The following MC5R variants were observed in gnomAD, a reference collection of about 807,000 sequenced individuals.
MC5R encodes melanocortin receptor 5.
For missense variants in MC5R, 420 were observed against 431.4 expected (o/e 0.97, Z 0.23); for synonymous variants, 167 against 164.4 (o/e 1.02, Z -0.12).
At chr18:13,825,524 T>G in intron 1 of MC5R, 1 of 381,778 alleles carries the variant, frequency 2.6e-6, no homozygotes, top group Non-Finnish European at 4.6e-6. Context: ...TGGCCAGGAG[T>G]TTGAGACCAG....
In MC5R at chr18:13,826,761, CTG is replaced by C. The variant is rs781475218; in HGVS notation, c.*21_*22del. 54 of 1,581,502 alleles carry C rather than the reference CTG, an allele frequency of 3.4e-5. No homozygotes were observed. The highest frequency in any genetic ancestry group is 1.4e-4 in the Admixed American group (8 of 57,474). On this transcript the variant is annotated 3_prime_UTR_variant, in exon 2 of 2. Transcript: ENST00000589410. ...GGGATTAAGCACAAAGTGCTCCTCT[CTG>C]TGGCTCTGTTCTCCTTTGTTTGCTC... is the stretch of plus-strand genomic sequence containing the variant.
chr18:13,826,213 T>C lies in MC5R; in HGVS notation c.448T>C (p.Tyr150His), dbSNP rs2044928369. 6.2e-7 allele frequency: 1 copy of C among 1,614,048 alleles called. No homozygotes were observed. The highest frequency in any genetic ancestry group is 8.5e-7 in the Non-Finnish European group (1 of 1,180,052). The change falls in exon 2 of 2, where the codon TAC becomes CAC. Residue 150 changes from tyrosine (Y) to histidine (H), a missense_variant. Physicochemically the swap from Tyr to His is moderately conservative, Grantham distance 83 (BLOSUM62 2). Transcript: ENST00000589410. ...CGTCACCATCTTCTACGCCCTGCGC[T>C]ACCACCACATCATGACGGCGAGGCG... ...RYVTIFYALRYHHIMTARRSG... is the reference protein window; with the variant it reads ...RYVTIFYALRHHHIMTARRSG...
At chr18:13,825,521 G>A (rs1487706903) in intron 1 of MC5R, 1 of 380,284 alleles carries the variant, frequency 2.6e-6, no homozygotes, top group African/African-American at 2.2e-5. Context: ...TTGTGGCCAG[G>A]AGTTTGAGAC....
intron 1 of MC5R, among the ~76,000 whole-genome samples, chr18:13,824,679 T>C (rs970271985): frequency 6.6e-6 from 1 of 150,890 alleles, no homozygotes; most frequent in African/African-American, 2.4e-5. Context: ...ATTACAAATA[T>C]TAATGATGAC....
Position 13,826,650 on chromosome 18 carries a change from T to C in MC5R, c.885T>C (p.Tyr295=), listed in dbSNP as rs1162484879. 1.2e-6 allele frequency: 2 copies of C among 1,614,072 alleles called. No individual in the cohort carries two copies. The highest frequency in any genetic ancestry group is 1.6e-4 in the Middle Eastern group (1 of 6,062). ...MCNSVMDPLI[Y]AFRSQEMRKT... ...ATTCCGTGATGGACCCTCTCATATA[T>C]GCCTTCCGCAGCCAAGAGATGCGGA... The change falls in exon 2 of 2, where the codon TAT becomes TAC. Residue 295 remains tyrosine (Y), a synonymous_variant. Transcript: ENST00000589410.
rs45575841 is a variant in MC5R at position 13,826,257 on chromosome 18, C to G, written c.492C>G (p.Ala164=). Residue 164 remains alanine, a synonymous_variant, in exon 2 of 2, where the codon GCC becomes GCG. Coordinates refer to ENST00000589410, the MANE Select transcript of MC5R (RefSeq NM_005913.3). ...MTARRSGAII[A]GIWAFCTGCG... Reference sequence around the variant, plus strand: ...CGAGGCGCTCAGGGGCCATCATCGCCGGCATCTGGGCTTTCTGCACGGGCT... The same window carrying G: ...CGAGGCGCTCAGGGGCCATCATCGCGGGCATCTGGGCTTTCTGCACGGGCT... The G allele has an allele frequency of 1.3e-5, 21 of 1,614,060 alleles. No homozygotes were observed. In the East Asian group the frequency reaches 2.9e-4, roughly 22 times the overall value.
In MC5R at chr18:13,826,410, C is replaced by A. The variant is rs199802908; in HGVS notation, c.645C>A (p.His215Gln). ...ACATGTTCCTCCTGGCGCGGACTCA[C>A]GTCAAGCGGATCGCGGCTCTGCCCG... is the stretch of plus-strand genomic sequence containing the variant. ...YIHMFLLART[H>Q]VKRIAALPGA... is the part of the protein sequence containing the mutation. The change falls in exon 2 of 2, where the codon CAC becomes CAA. Residue 215 changes from histidine (H) to glutamine (Q), a missense_variant. By Grantham distance (24) the His-to-Gln change is conservative. Coordinates refer to ENST00000589410, the MANE Select transcript of MC5R (RefSeq NM_005913.3). The A allele has an allele frequency of 5.5e-5, 89 of 1,613,910 alleles. No individual in the cohort carries two copies. Among genetic ancestry groups the A allele is most frequent in the Middle Eastern group, 1.6e-4 (1 of 6,084 alleles).
At position 13,826,746 on chromosome 18, in the gene MC5R, A is replaced by G; in HGVS notation, c.*3A>G. On this transcript the variant is annotated 3_prime_UTR_variant, in exon 2 of 2. Coordinates refer to ENST00000589410, the MANE Select transcript of MC5R (RefSeq NM_005913.3). ...GCAGCTTTCCCAGAAGGGATTAAGC[A>G]CAAAGTGCTCCTCTCTGTGGCTCTG... 1 of 1,600,168 alleles carries G rather than the reference A, an allele frequency of 6.2e-7. No homozygotes were observed. The highest frequency in any genetic ancestry group is 8.5e-7 in the Non-Finnish European group (1 of 1,174,400).
rs534738525 is a variant in MC5R, at chr18:13,824,215, C to G, written c.-99C>G. 1 of 152,218 alleles carries G rather than the reference C, an allele frequency of 6.6e-6. No homozygotes were observed. Among genetic ancestry groups the G allele is most frequent in the Non-Finnish European group, 1.5e-5 (1 of 68,056 alleles). The allele number at this position is 152,218 out of a possible 1,614,324, so 9.4% of individuals were successfully genotyped here. On this transcript the variant is annotated 5_prime_UTR_variant, in exon 1 of 2. Coordinates refer to ENST00000589410, the MANE Select transcript of MC5R (RefSeq NM_005913.3). The stretch of plus-strand genomic sequence containing the variant: ...CTGGCTCTGAGCGCCGCACGGCCGT[C>G]GGATCCCGGGGACGCCGGGGGCCCG...
intron 1 of MC5R, 164 bp from the exon 2 acceptor site, chr18:13,825,563 T>C (rs2044922679): frequency 5.0e-6 from 2 of 399,018 alleles, no homozygotes; most frequent in Non-Finnish European, 4.2e-6. Context: ...ACCCTGTCTC[T>C]TAAAAAAAAA....
Position 13,826,862 on chromosome 18 carries a change from A to C in MC5R, c.*119A>C. 8.9e-7 allele frequency: 1 copy of C among 1,129,746 alleles called. No individual in the cohort carries two copies. Among genetic ancestry groups the C allele is most frequent in the Non-Finnish European group, 1.2e-6 (1 of 804,880 alleles). The allele number at this position is 1,129,746 out of a possible 1,614,324, so 70.0% of individuals were successfully genotyped here. A position where few individuals can be genotyped will look rare whatever the true frequency, so the allele number is the denominator to read the frequency against. On this transcript the variant is annotated 3_prime_UTR_variant, in exon 2 of 2. Coordinates refer to ENST00000589410, the MANE Select transcript of MC5R (RefSeq NM_005913.3). ...CATTTTTCTCTTTACCAGCTCAGAC[A>C]TGGGCCTAAGAGGCTCTCTCTGTTC...
Position 13,825,988 on chromosome 18 carries a change from G to C in MC5R, c.223G>C (p.Val75Leu). The C allele has an allele frequency of 6.2e-7, 1 of 1,614,118 alleles. No individual in the cohort carries two copies. Among genetic ancestry groups the C allele is most frequent in the Non-Finnish European group, 8.5e-7 (1 of 1,180,002 alleles). Reference sequence around the variant, plus strand: ...CCTGCACTCCCCCATGTACTTCTTCGTGTGCAGCCTGGCAGTGGCGGACAT... The same window carrying C: ...CCTGCACTCCCCCATGTACTTCTTCCTGTGCAGCCTGGCAGTGGCGGACAT... ...KNLHSPMYFF[V>L]CSLAVADMLV... The change falls in exon 2 of 2, where the codon GTG becomes CTG. Residue 75 changes from valine (V) to leucine (L), a missense_variant. Coordinates refer to ENST00000589410, the MANE Select transcript of MC5R (RefSeq NM_005913.3).
chr18:13,824,514 T>G (rs1014769759), intron 1 of MC5R, among the ~76,000 whole-genome samples: 3 of 152,176 alleles, frequency 2.0e-5, no homozygotes, highest in Admixed American at 6.5e-5. Context: ...CTTTTTTATT[T>G]TTATAGATTT....
chr18:13,826,181 A>G lies in MC5R; in HGVS notation c.416A>G (p.Asp139Gly), dbSNP rs1286042562. Residue 139 changes from aspartate to glycine, a missense_variant, in exon 2 of 2, where the codon GAT becomes GGT. Physicochemically the swap from Asp to Gly is moderately conservative, Grantham distance 94. Transcript: ENST00000589410. ...TGCAGCTTACTGGCCATTGCAGTGG[A>G]TAGGTACGTCACCATCTTCTACGCC... Reference protein sequence around the residue: ...SMCSLLAIAVDRYVTIFYALR... With the variant: ...SMCSLLAIAVGRYVTIFYALR... 7 of 1,613,996 alleles carry G rather than the reference A, an allele frequency of 4.3e-6. No individual in the cohort carries two copies. The highest frequency in any genetic ancestry group is 5.9e-6 in the Non-Finnish European group (7 of 1,180,042).
intron 1 of MC5R, among the ~76,000 whole-genome samples, chr18:13,824,808 T>G (rs4797006): frequency 0.099 from 6,691 of 67,462 alleles, 442 homozygotes; most frequent in African/African-American, 0.32. Context: ...TAAATTGCTG[T>G]TTTTTTTTTT....
rs998216150 is a variant in MC5R at position 13,826,384 on chromosome 18, C to T, written c.619C>T (p.His207Tyr). The T allele has an allele frequency of 1.2e-6, 2 of 1,614,040 alleles. No homozygotes were observed. The highest frequency in any genetic ancestry group is 1.7e-6 in the Non-Finnish European group (2 of 1,180,040). ...GTTCCTCCTGGTGTCTCTGTACATACACATGTTCCTCCTGGCGCGGACTCA... is the reference window on the plus strand; with the variant it reads ...GTTCCTCCTGGTGTCTCTGTACATATACATGTTCCTCCTGGCGCGGACTCA... ...MLFLLVSLYIHMFLLARTHVK... is the reference protein window; with the variant it reads ...MLFLLVSLYIYMFLLARTHVK... Residue 207 changes from histidine to tyrosine, a missense_variant, in exon 2 of 2, where the codon CAC becomes TAC. By Grantham distance (83) the His-to-Tyr change is moderately conservative (BLOSUM62 2). Coordinates refer to ENST00000589410, the MANE Select transcript of MC5R (RefSeq NM_005913.3).
intron 1 of MC5R, among the ~76,000 whole-genome samples, chr18:13,824,817 T>TA (rs2044918531): frequency 6.6e-6 from 1 of 152,054 alleles, no homozygotes; most frequent in Non-Finnish European, 1.5e-5. Flanking sequence ...GTTTTTTTTT[T>TA]TAAATACTGT....
rs769806669 is a variant in MC5R, at chr18:13,826,691, T to C, written c.926T>C (p.Ile309Thr). ...SQEMRKTFKE[I>T]ICCRGFRIAC... ...GAGATGCGGAAGACCTTTAAGGAGA[T>C]TATTTGCTGCCGTGGTTTCAGGATC... Residue 309 changes from isoleucine to threonine, a missense_variant, in exon 2 of 2, where the codon ATT becomes ACT. By Grantham distance (89) the Ile-to-Thr change is moderately conservative (BLOSUM62 -1). Transcript: ENST00000589410. 5.6e-6 allele frequency: 9 copies of C among 1,613,598 alleles called. No homozygotes were observed. The highest frequency in any genetic ancestry group is 7.6e-6 in the Non-Finnish European group (9 of 1,179,922).
rs570695661 is a variant in MC5R, at chr18:13,825,786, G to A, written c.21G>A (p.Leu7=). ...CAGCAATGAATTCCTCATTTCACCT[G>A]CATTTCTTGGATCTCAACCTGAATG... MNSSFH[L]HFLDLNLNAT... is the part of the protein sequence containing the mutation. Residue 7 remains leucine, a synonymous_variant, in exon 2 of 2, where the codon CTG becomes CTA. Coordinates refer to ENST00000589410, the MANE Select transcript of MC5R (RefSeq NM_005913.3). The A allele has an allele frequency of 3.2e-6, 5 of 1,578,132 alleles. No homozygotes were observed. The highest frequency in any genetic ancestry group is 4.3e-6 in the Non-Finnish European group (5 of 1,165,098).
Sources: allele counts gnomAD v4.1 joint callset (sites outside exome capture counted in the v4.1 genomes callset), GRCh38; gene constraint gnomAD v4.1.1; transcripts MANE v1.5; gene names NCBI Gene and HGNC (gene_info 2026-07-23, HGNC 2026-07-21).